Variants in CACNA1C observed in about 807,000 individuals in gnomAD.
CACNA1C encodes the protein voltage-dependent L-type calcium channel subunit alpha-1C.
CACNA1C carries 30 observed loss-of-function variants against 229.0 expected under a neutral mutation model. That is an observed-to-expected ratio of 0.13 (90% CI 0.10 to 0.18). The LOEUF is 0.18. Among genes scored for constraint, CACNA1C ranks in the 10% least tolerant of loss-of-function variants. The pLI, the probability that CACNA1C is intolerant of heterozygous loss-of-function variation, is 1.00. For synonymous variants in CACNA1C, 1,114 were observed against 1,132.5 expected (o/e 0.98, Z 0.33); for missense variants, 1,658 against 2,845.0 (o/e 0.58, Z 9.49).
chr12:2,528,161 A>G (rs2099827819), intron 9 of CACNA1C, among the ~76,000 whole-genome samples: 1 of 152,180 alleles, frequency 6.6e-6, no homozygotes, highest in Non-Finnish European at 1.5e-5. Flanking sequence ...ACAGGAACTA[A>G]CAGGAGCCAG....
At chr12:2,255,282 A>G (rs76139517) in intron 3 of CACNA1C, among the ~76,000 whole-genome samples, 1 of 152,040 alleles carries the variant, frequency 6.6e-6, no homozygotes, top group East Asian at 1.9e-4. Flanking sequence ...AAAAAAAAAA[A>G]AAAACCTAGT....
intron 3 of CACNA1C, among the ~76,000 whole-genome samples, chr12:2,136,294 TC>T (rs1390125616): frequency 1.3e-5 from 2 of 151,254 alleles, no homozygotes; most frequent in Non-Finnish European, 3.0e-5. Context: ...CCGGAGCTGT[TC>T]CTATTCGGCC....
rs559179662 is a variant in CACNA1C, at chr12:2,450,365, T to C, written c.617+1250T>C. Among the ~76,000 whole-genome samples the C allele has an allele frequency of 4.4e-3, 660 of 151,518 alleles. 2 individuals carry two copies. Among genetic ancestry groups the C allele is most frequent in the Non-Finnish European group, 6.3e-3 (431 of 67,896 alleles). On this transcript the variant is annotated intron_variant, in intron 4 of 46. Coordinates refer to ENST00000399655, the MANE Select transcript of CACNA1C (RefSeq NM_000719.7). ...GTCAGGAGATCGAGACCATCCTGGC[T>C]AACACGGTGAAACCCCGTCTCTACT...
chr12:2,510,905 C>A (rs375677625), intron 8 of CACNA1C, among the ~76,000 whole-genome samples: 2 of 152,208 alleles, frequency 1.3e-5, no homozygotes, highest in South Asian at 4.2e-4. Context: ...ACTAAGGCCC[C>A]GAAGGCTTAA....
In CACNA1C at chr12:2,653,541, A is replaced by G. The variant is rs191512102; in HGVS notation, c.4075-294A>G. ...CCTGCCTCGTACAGACACACCGCAC[A>G]TGTGTAGTCGGAGGAGGTTTTGCTC... On this transcript the variant is annotated intron_variant, in intron 32 of 46. Coordinates refer to ENST00000399655, the MANE Select transcript of CACNA1C (RefSeq NM_000719.7). This position sits in a 1 kb window ranked among gnomAD's most constrained non-coding sequence, Gnocchi z 4.7. Among the ~76,000 whole-genome samples, 61 of 152,244 alleles carry G rather than the reference A, an allele frequency of 4.0e-4. No individual in the cohort carries two copies. The highest frequency in any genetic ancestry group is 8.4e-4 in the Non-Finnish European group (57 of 68,014).
intron 37 of CACNA1C, chr12:2,668,721 C>T (rs1184332537): frequency 3.6e-6 from 2 of 557,574 alleles, no homozygotes; most frequent in Non-Finnish European, 6.5e-6. Context: ...AGTACTCACT[C>T]ACCAAGGGGA....
rs367763190 is a variant in CACNA1C, at chr12:2,120,316, C to G, written c.372-9C>G. The stretch of plus-strand genomic sequence containing the variant: ...CTGTGGCATTAACTTCCTTGACTCC[C>G]TTTCTCAGACCATTTGAAATAATTA... On this transcript the variant is annotated splice_polypyrimidine_tract_variant and intron_variant, in intron 2 of 46. Transcript: ENST00000399655. 3.0e-5 allele frequency: 42 copies of G among 1,407,532 alleles called. No individual in the cohort carries two copies. The East Asian group carries it at 8.9e-4, about 30-fold the overall frequency. The allele number at this position is 1,407,532 out of a possible 1,614,324, so 87.2% of individuals were successfully genotyped here. A position where few individuals can be genotyped will look rare whatever the true frequency, so the allele number is the denominator to read the frequency against.
Position 2,665,282 on chromosome 12 carries a change from A to G in CACNA1C, c.4398+292A>G, listed in dbSNP as rs1449432641. ...CTAGAAAGAACTGTACTTTTTTGGC[A>G]TCTTGCTGAGGAGTGAGGAAAAGGG... On this transcript the variant is annotated intron_variant, in intron 35 of 46. Coordinates refer to ENST00000399655, the MANE Select transcript of CACNA1C (RefSeq NM_000719.7). This position sits in a 1 kb window ranked among gnomAD's most constrained non-coding sequence, Gnocchi z 5.9. 6.6e-6 allele frequency among the ~76,000 whole-genome samples: 1 copy of G among 152,214 alleles called. No homozygotes were observed. Among genetic ancestry groups the G allele is most frequent in the Non-Finnish European group, 1.5e-5 (1 of 68,042 alleles).
At chr12:2,229,769 G>A (rs2154360236) in intron 3 of CACNA1C, among the ~76,000 whole-genome samples, 1 of 152,352 alleles carries the variant, frequency 6.6e-6, no homozygotes, top group East Asian at 1.9e-4. Context: ...CGGCCTGGCA[G>A]GCTCAAGGGC....
In CACNA1C at chr12:2,053,624, C is replaced by G; in HGVS notation, c.49+13C>G. ...GAAAACCACCAAGGTAAGGCTGGAC[C>G]CCGCCGCCTCGCCGGGGCTCCCTGC... On this transcript the variant is annotated intron_variant, in intron 1 of 46. Coordinates refer to ENST00000399655, the MANE Select transcript of CACNA1C (RefSeq NM_000719.7). The surrounding 1 kb of genome is among the most constrained non-coding windows in gnomAD (Gnocchi z 5.8). 1.3e-6 allele frequency: 2 copies of G among 1,582,328 alleles called. No homozygotes were observed. Among genetic ancestry groups the G allele is most frequent in the South Asian group, 1.2e-5 (1 of 86,008 alleles).
rs1195317831 is a variant in CACNA1C, at chr12:2,693,513, C to T, written c.*2314C>T. On this transcript the variant is annotated 3_prime_UTR_variant, in exon 47 of 47. Transcript: ENST00000399655. The stretch of plus-strand genomic sequence containing the variant: ...AGAAAGGAACTGGTGAAACCCTGAT[C>T]CATCTGAAAGTCAACTCTGCGTGCT... The T allele has an allele frequency of 1.3e-5, 2 of 152,206 alleles. No homozygotes were observed. The highest frequency in any genetic ancestry group is 4.8e-5 in the African/African-American group (2 of 41,448). 9.4% of individuals were successfully genotyped at this position (152,206 alleles called of 1,614,324 possible).
intron 3 of CACNA1C, among the ~76,000 whole-genome samples, chr12:2,206,306 A>G (rs2097757758): frequency 6.6e-6 from 1 of 152,160 alleles, no homozygotes; most frequent in Non-Finnish European, 1.5e-5. Context: ...GCAGAGTAGT[A>G]TTTTAAAAAA....
At chr12:2,606,873 T>G (rs1601875120) in intron 25 of CACNA1C, 111 bp from the exon 26 acceptor site, 4 of 1,282,132 alleles carry the variant, frequency 3.1e-6, no homozygotes, top group Admixed American at 2.0e-5. Context: ...GCTAGAACGG[T>G]GAAGTTCAAG....
chr12:2,285,740 T>C lies in CACNA1C; in HGVS notation c.478-163236T>C, dbSNP rs2092560843. Among the ~76,000 whole-genome samples the C allele has an allele frequency of 6.6e-6, 1 of 152,190 alleles. No individual in the cohort carries two copies. The highest frequency in any genetic ancestry group is 2.1e-4 in the South Asian group (1 of 4,820). On this transcript the variant is annotated intron_variant, in intron 3 of 46. Transcript: ENST00000399655. This position sits in a 1 kb window ranked among gnomAD's most constrained non-coding sequence, Gnocchi z 4.2. The stretch of plus-strand genomic sequence containing the variant: ...TATTTCTACTCTTTTTCTCAACCTG[T>C]TGCTAACGTGCTCATTCGAGAGAGG...
chr12:2,182,508 G>A (rs1029284960), intron 3 of CACNA1C, among the ~76,000 whole-genome samples: 3 of 152,030 alleles, frequency 2.0e-5, no homozygotes, highest in Non-Finnish European at 2.9e-5. Flanking sequence ...GTCGGGGGTC[G>A]CTGGTATCTT....
intron 3 of CACNA1C, among the ~76,000 whole-genome samples, chr12:2,180,223 C>T (rs2096793801): frequency 6.6e-6 from 1 of 152,244 alleles, no homozygotes; most frequent in Non-Finnish European, 1.5e-5. Flanking sequence ...AAACACCACA[C>T]ACTCTTAAGT....
chr12:2,191,720 GCA>G (rs2097222061), intron 3 of CACNA1C, among the ~76,000 whole-genome samples: 1 of 148,272 alleles, frequency 6.7e-6, no homozygotes, highest in African/African-American at 2.5e-5. Flanking sequence ...TCTCATACAG[GCA>G]CACACGTACA....
chr12:2,686,612 A>G (rs2097514725), intron 45 of CACNA1C, among the ~76,000 whole-genome samples: 1 of 152,218 alleles, frequency 6.6e-6, no homozygotes, highest in Non-Finnish European at 1.5e-5. Flanking sequence ...GCCTCAGGGC[A>G]CTCAGGAAGA....
In CACNA1C at chr12:2,647,803, A is replaced by G. The variant is rs2153635409; in HGVS notation, c.3913-672A>G. Reference sequence around the variant, plus strand: ...TAAAGTGCACAAAGCCTAAGTCCTCATAGGTTAACAATGGCTAATAAAAAA... The same window carrying G: ...TAAAGTGCACAAAGCCTAAGTCCTCGTAGGTTAACAATGGCTAATAAAAAA... On this transcript the variant is annotated intron_variant, in intron 30 of 46. Coordinates refer to ENST00000399655, the MANE Select transcript of CACNA1C (RefSeq NM_000719.7). The surrounding 1 kb of genome is among the most constrained non-coding windows in gnomAD (Gnocchi z 4.2). Among the ~76,000 whole-genome samples the G allele has an allele frequency of 6.6e-6, 1 of 152,272 alleles. No individual in the cohort carries two copies. The highest frequency in any genetic ancestry group is 2.1e-4 in the South Asian group (1 of 4,816).
Sources: allele counts gnomAD v4.1 joint callset (sites outside exome capture counted in the v4.1 genomes callset), GRCh38; gene constraint gnomAD v4.1.1; non-coding constraint Gnocchi (gnomAD v3.1); transcripts MANE v1.5; gene names NCBI Gene and HGNC (gene_info 2026-07-23, HGNC 2026-07-21).